Variants in AOX1 observed in about 807,000 individuals in gnomAD.
AOX1 encodes the protein aldehyde oxidase 1.
In AOX1, 153 loss-of-function variants were observed where a neutral mutation model predicts 169.5. That is an observed-to-expected ratio of 0.90 (90% CI 0.79 to 1.03). The LOEUF (loss-of-function observed/expected upper bound fraction) is 1.03, where lower values mean the gene tolerates loss of function less well. Ranked by LOEUF, AOX1 falls within the 50% of genes least tolerant of loss-of-function variation. The pLI is 0.00. For missense variants in AOX1, 1,656 were observed against 1,663.9 expected (o/e 1.00, Z 0.08); for synonymous variants, 562 against 581.9 (o/e 0.97, Z 0.49).
rs2035378135 is a variant in AOX1 at position 200,642,788 on chromosome 2, T to TGC, written c.2834_2835insGC (p.Ser946HisfsTer9). 6.2e-7 allele frequency: 1 copy of TGC among 1,613,490 alleles called. No homozygotes were observed. Among genetic ancestry groups the TGC allele is most frequent in the Non-Finnish European group, 8.5e-7 (1 of 1,179,692 alleles). On this transcript the variant is annotated frameshift_variant, in exon 25 of 35. Coordinates refer to ENST00000374700, the MANE Select transcript of AOX1 (RefSeq NM_001159.4). LOFTEE classifies it high-confidence loss of function. Reference sequence around the variant, plus strand: ...ACGGAAGTTGCAGCCAAATGTGGACTATCCCCTGAGAAGGTAATACTAAAT... The same window carrying TGC: ...ACGGAAGTTGCAGCCAAATGTGGACTGCATCCCCTGAGAAGGTAATACTAAAT...
chr2:200,676,781 G>C (rs940912737), intron 4 of AOX1: 2 of 400,654 alleles, frequency 5.0e-6, no homozygotes, highest in African/African-American at 4.2e-5. Context: ...AGAGGGTTGG[G>C]AACATAGACA....
At chr2:200,680,278 A>G (rs894306341), downstream of AOX1, among the ~76,000 whole-genome samples, 2 of 152,218 alleles carry the variant, frequency 1.3e-5, no homozygotes, top group African/African-American at 2.4e-5. Context: ...GGCAGAAAAT[A>G]AGAAGAAAAA....
chr2:200,634,860 G>C lies in AOX1; in HGVS notation c.2291G>C (p.Gly764Ala), dbSNP rs2035199612. The change falls in exon 21 of 35, where the codon GGA (glycine) becomes GCA (alanine). Residue 764 changes from glycine to alanine, a missense_variant. Coordinates refer to ENST00000374700, the MANE Select transcript of AOX1 (RefSeq NM_001159.4). ...ETQSMLVVPK[G>A]EDQEMDVYVS... Reference sequence around the variant, plus strand: ...CAAAGCATGCTTGTCGTTCCCAAGGGAGAGGATCAAGAAATGGATGTCTAC... The same window carrying C: ...CAAAGCATGCTTGTCGTTCCCAAGGCAGAGGATCAAGAAATGGATGTCTAC... The C allele has an allele frequency of 6.2e-7, 1 of 1,613,976 alleles. No individual in the cohort carries two copies. The highest frequency in any genetic ancestry group is 1.1e-5 in the South Asian group (1 of 91,082).
chr2:200,597,289 A>G (rs2034302469), intron 3 of AOX1, 108 bp from the exon 4 acceptor site: 2 of 663,494 alleles, frequency 3.0e-6, no homozygotes, highest in Non-Finnish European at 4.9e-6. Flanking sequence ...AAACCTGGGT[A>G]CATTATACAA....
intron 26 of AOX1, 39 bp downstream of exon 26, chr2:200,651,240 G>C (rs367894689): frequency 2.1e-4 from 337 of 1,580,186 alleles, no homozygotes; most frequent in South Asian, 1.3e-3. Flanking sequence ...CTGCCTGGAA[G>C]CAGCCCTGAC....
intron 25 of AOX1, among the ~76,000 whole-genome samples, chr2:200,643,838 T>A (rs2035402144): frequency 6.6e-6 from 1 of 152,254 alleles, no homozygotes; most frequent in Non-Finnish European, 1.5e-5. Flanking sequence ...CATATTTTTG[T>A]TGGCCATTTC....
rs866340765 is a variant in AOX1 at position 200,671,315 on chromosome 2, C to G, written c.*636C>G. The stretch of plus-strand genomic sequence containing the variant: ...CTTGTAACCAGATACATAAAGAGCT[C>G]TTACAACTCAATAAAAGGCAAGTAA... On this transcript the variant is annotated 3_prime_UTR_variant, in exon 35 of 35. Coordinates refer to ENST00000374700, the MANE Select transcript of AOX1 (RefSeq NM_001159.4). The G allele has an allele frequency of 6.6e-6, 1 of 152,184 alleles. No individual in the cohort carries two copies. The highest frequency in any genetic ancestry group is 1.5e-5 in the Non-Finnish European group (1 of 68,046). The allele number at this position is 152,184 out of a possible 1,614,324, so 9.4% of individuals were successfully genotyped here. A position where few individuals can be genotyped will look rare whatever the true frequency, so the allele number is the denominator to read the frequency against.
At chr2:200,629,226 A>C (rs370712083) in intron 20 of AOX1, among the ~76,000 whole-genome samples, 5 of 152,326 alleles carry the variant, frequency 3.3e-5, no homozygotes, top group East Asian at 1.9e-4. Context: ...ATTGTGTCTT[A>C]TTAGCTGTGT....
chr2:200,654,434 T>C (rs2035643618), intron 26 of AOX1, among the ~76,000 whole-genome samples: 1 of 152,218 alleles, frequency 6.6e-6, no homozygotes. Context: ...AATGCTAGTG[T>C]ACACTTAATA....
intron 16 of AOX1, among the ~76,000 whole-genome samples, chr2:200,619,099 T>C (rs1360439485): frequency 6.6e-6 from 1 of 152,150 alleles, no homozygotes; most frequent in Non-Finnish European, 1.5e-5. Context: ...CAAAAGAATT[T>C]AGCTTTTCTC....
rs2034572084 is a variant in AOX1, at chr2:200,608,974, T to G, written c.908-10T>G. The G allele has an allele frequency of 1.9e-6, 3 of 1,611,096 alleles. No homozygotes were observed. The highest frequency in any genetic ancestry group is 1.7e-6 in the Non-Finnish European group (2 of 1,179,034). On this transcript the variant is annotated splice_polypyrimidine_tract_variant and intron_variant, in intron 10 of 34. Coordinates refer to ENST00000374700, the MANE Select transcript of AOX1 (RefSeq NM_001159.4). ...TCGCACTGTGTTATTTACAAATGAC[T>G]TCATTTCAGGACTCACCCTTGGTGC...
chr2:200,651,712 T>G (rs965400588), intron 26 of AOX1, among the ~76,000 whole-genome samples: 1 of 152,230 alleles, frequency 6.6e-6, no homozygotes, highest in African/African-American at 2.4e-5. Context: ...TGAAGTTTAT[T>G]CACCTTGTAC....
At chr2:200,607,786 C>T (rs1397662907) in intron 10 of AOX1, among the ~76,000 whole-genome samples, 8 of 152,234 alleles carry the variant, frequency 5.3e-5, no homozygotes, top group African/African-American at 1.7e-4. Flanking sequence ...ACTATGCAGC[C>T]ATAAAAAAGA....
rs545941093 is a variant in AOX1, at chr2:200,612,518, G to A, written c.1264-91G>A. The A allele has an allele frequency of 1.9e-3, 2,478 of 1,274,950 alleles. 2 individuals are homozygous for A. Among genetic ancestry groups the A allele is most frequent in the Non-Finnish European group, 2.5e-3 (2,218 of 894,298 alleles). The allele number at this position is 1,274,950 out of a possible 1,614,324, so 79.0% of individuals were successfully genotyped here. On this transcript the variant is annotated intron_variant, in intron 13 of 34. Coordinates refer to ENST00000374700, the MANE Select transcript of AOX1 (RefSeq NM_001159.4). ...GACACTCAACACACACAGACTGCCC[G>A]GTGTGTAGGTGATACTCAAGACACA...
intron 5 of AOX1, among the ~76,000 whole-genome samples, chr2:200,600,086 A>G (rs2034377807): frequency 1.3e-5 from 2 of 152,212 alleles, no homozygotes; most frequent in South Asian, 4.1e-4. Flanking sequence ...ATAAATGGAG[A>G]AACTGAGGTT....
In AOX1 at chr2:200,618,063, C is replaced by A. The variant is rs2034804128; in HGVS notation, c.1704+2000C>A. The stretch of plus-strand genomic sequence containing the variant: ...GTTGGGACTGTCTCCAATCTGTGCT[C>A]ATGCCTGAACCCCAATAAGTAAACT... On this transcript the variant is annotated intron_variant, in intron 16 of 34. Transcript: ENST00000374700. Among the ~76,000 whole-genome samples the A allele has an allele frequency of 2.0e-5, 3 of 152,252 alleles. No individual in the cohort carries two copies. The South Asian group carries it at 6.2e-4, about 32-fold the overall frequency.
At chr2:200,633,100 A>G (rs948974612) in intron 20 of AOX1, among the ~76,000 whole-genome samples, 3 of 151,844 alleles carry the variant, frequency 2.0e-5, no homozygotes, top group African/African-American at 4.8e-5. Context: ...TTTCACCACG[A>G]AAGTACTTTT....
intron 12 of AOX1, 96 bp from the exon 13 acceptor site, chr2:200,611,288 G>C: frequency 1.2e-6 from 1 of 829,676 alleles, no homozygotes; most frequent in Non-Finnish European, 2.0e-6. Context: ...TGAACAACCG[G>C]TTTCCTCAGG....
chr2:200,627,553 T>G, intron 20 of AOX1, 104 bp downstream of exon 20: 1 of 788,354 alleles, frequency 1.3e-6, no homozygotes, highest in Non-Finnish European at 2.1e-6. Flanking sequence ...AGGGGGGTGT[T>G]GCTCCTCAGG....
Sources: allele counts gnomAD v4.1 joint callset (sites outside exome capture counted in the v4.1 genomes callset), GRCh38; gene constraint gnomAD v4.1.1; transcripts MANE v1.5; gene names NCBI Gene and HGNC (gene_info 2026-07-23, HGNC 2026-07-21).